Variants in SYNE2 observed in about 807,000 individuals in gnomAD.
SYNE2 encodes the protein spectrin repeat containing nuclear envelope protein 2.
A neutral mutation model predicts 856.3 loss-of-function variants in SYNE2; 431 were observed. That is an observed-to-expected ratio of 0.50 (90% CI 0.47 to 0.55). The LOEUF (loss-of-function observed/expected upper bound fraction) is 0.55. SYNE2 is among the 20% of genes least tolerant of loss of function. SYNE2 has a pLI of 0.00. For missense variants in SYNE2, 8,129 were observed against 8,023.2 expected (o/e 1.01, Z -0.50); for synonymous variants, 2,923 against 2,872.3 (o/e 1.02, Z -0.56).
chr14:64,002,624 A>T, intron 29 of SYNE2, 96 bp from the exon 30 acceptor site: 1 of 1,382,480 alleles, frequency 7.2e-7, no homozygotes, highest in Non-Finnish European at 9.9e-7. Flanking sequence ...GCATTTTTCT[A>T]GATCAAATCT....
At chr14:63,770,024 C>T (rs1886844502) in intron 1 of SYNE2, among the ~76,000 whole-genome samples, 1 of 152,044 alleles carries the variant, frequency 6.6e-6, no homozygotes, top group Non-Finnish European at 1.5e-5. Flanking sequence ...AGCAATCCTC[C>T]TGCCTCAGCC....
Position 64,143,206 on chromosome 14 carries a change from T to C in SYNE2, c.15307-566T>C, listed in dbSNP as rs149455984. Among the ~76,000 whole-genome samples, 4 of 152,296 alleles carry C rather than the reference T, an allele frequency of 2.6e-5. No individual in the cohort carries two copies. In the East Asian group the frequency reaches 7.7e-4, roughly 29 times the overall value. On this transcript the variant is annotated intron_variant, in intron 82 of 115. Transcript: ENST00000555002. ...CTAGAACTTGCAGAGATAAAATCAG[T>C]AAGTGACAGGTTTGGCAGAAATGTT...
At chr14:64,217,129 C>T (rs2140303908) in intron 108 of SYNE2, among the ~76,000 whole-genome samples, 1 of 152,340 alleles carries the variant, frequency 6.6e-6, no homozygotes, top group Non-Finnish European at 1.5e-5. Flanking sequence ...CCCTGCCAAT[C>T]CATTGCCATG....
At chr14:64,138,490 T>C (rs2098113836) in intron 79 of SYNE2, among the ~76,000 whole-genome samples, 1 of 152,146 alleles carries the variant, frequency 6.6e-6, no homozygotes, top group Non-Finnish European at 1.5e-5. Context: ...TGCCTCAGCT[T>C]CCCAAAGTGC....
At chr14:63,880,001 G>A (rs748051440) in intron 1 of SYNE2, among the ~76,000 whole-genome samples, 1 of 152,166 alleles carries the variant, frequency 6.6e-6, no homozygotes, top group Non-Finnish European at 1.5e-5. Context: ...TTTTATGAAT[G>A]AGAACTTTAT....
chr14:63,936,193 A>T (rs542788540), intron 2 of SYNE2, among the ~76,000 whole-genome samples: 5 of 152,104 alleles, frequency 3.3e-5, no homozygotes, highest in Non-Finnish European at 2.9e-5. Context: ...TTATTATTTC[A>T]GAAAATATTT....
chr14:64,002,803 C>T lies in SYNE2; in HGVS notation c.3870C>T (p.His1290=). Residue 1290 remains histidine, a synonymous_variant, in exon 30 of 116, where the codon CAC becomes CAT. Coordinates refer to ENST00000555002, the MANE Select transcript of SYNE2 (RefSeq NM_182914.3). ...EPGNFVLKEL[H]PFDLHAMQNI... is the part of the protein sequence containing the mutation. ...GCAACTTTGTATTAAAGGAGTTACA[C>T]CCATTTGATCTACACGCAATGCAGA... 1 of 1,614,084 alleles carries T rather than the reference C, an allele frequency of 6.2e-7. No individual in the cohort carries two copies. The highest frequency in any genetic ancestry group is 8.5e-7 in the Non-Finnish European group (1 of 1,180,010).
chr14:64,014,961 A>G lies in SYNE2; in HGVS notation c.4729-1512A>G, dbSNP rs1277895335. Among the ~76,000 whole-genome samples, 3 of 133,724 alleles carry G rather than the reference A, an allele frequency of 2.2e-5. No homozygotes were observed. In the East Asian group the frequency reaches 6.1e-4, roughly 27 times the overall value. The allele number at this position is 133,724 out of a possible 152,430, so 87.7% of individuals were successfully genotyped here. On this transcript the variant is annotated intron_variant, in intron 32 of 115. Transcript: ENST00000555002. ...TATATATATATATATATATATATAT[A>G]TATATATATATATACACACACACAC...
In SYNE2 at chr14:63,887,429, G is replaced by A. The variant is rs1395306483; in HGVS notation, c.-51-21669G>A. On this transcript the variant is annotated intron_variant, in intron 1 of 115. Transcript: ENST00000555002. The stretch of plus-strand genomic sequence containing the variant: ...CATCACTTAACTTTTCCGGTAGGAA[G>A]CCAGGTTTGAACTGATCCTACACCC... Among the ~76,000 whole-genome samples the A allele has an allele frequency of 2.0e-5, 3 of 152,300 alleles. No individual in the cohort carries two copies. In the East Asian group the frequency reaches 5.8e-4, roughly 29 times the overall value.
Position 64,075,817 on chromosome 14 carries a change from A to G in SYNE2, c.10867-128A>G. On this transcript the variant is annotated intron_variant, in intron 53 of 115. Transcript: ENST00000555002. ...TGGGGCTTAATCAGCTTGTATCACT[A>G]GTGGGGTTTTGTCATGCAAACTGCA... 3.3e-6 allele frequency: 3 copies of G among 907,446 alleles called. No homozygotes were observed. In the South Asian group the frequency reaches 4.1e-5, roughly 12 times the overall value. The allele number at this position is 907,446 out of a possible 1,614,324, so 56.2% of individuals were successfully genotyped here. A position where few individuals can be genotyped will look rare whatever the true frequency, so the allele number is the denominator to read the frequency against.
intron 1 of SYNE2, among the ~76,000 whole-genome samples, chr14:63,780,018 C>G (rs1887251085): frequency 6.6e-6 from 1 of 152,150 alleles, no homozygotes; most frequent in Non-Finnish European, 1.5e-5. Context: ...ATCCAGGAAT[C>G]TATAATAACT....
At chr14:64,106,416 G>A (rs1567317167) in intron 64 of SYNE2, among the ~76,000 whole-genome samples, 2 of 152,174 alleles carry the variant, frequency 1.3e-5, no homozygotes, top group Admixed American at 6.5e-5. Flanking sequence ...TTGGGAGGCC[G>A]AGGCGAGTGG....
At chr14:64,132,736 A>G (rs1171961201) in intron 77 of SYNE2, among the ~76,000 whole-genome samples, 1 of 152,194 alleles carries the variant, frequency 6.6e-6, no homozygotes, top group South Asian at 2.1e-4. Context: ...TGGGTGAAAC[A>G]GTTATTGGTT....
chr14:63,882,495 C>T (rs1321161195), intron 1 of SYNE2, among the ~76,000 whole-genome samples: 2 of 151,572 alleles, frequency 1.3e-5, no homozygotes, highest in Non-Finnish European at 2.9e-5. Flanking sequence ...GTGAAAGGAT[C>T]ACTTCAGTCC....
intron 96 of SYNE2, among the ~76,000 whole-genome samples, chr14:64,181,477 C>T (rs771614785): frequency 6.6e-6 from 1 of 152,194 alleles, no homozygotes; most frequent in Non-Finnish European, 1.5e-5. Flanking sequence ...TCACACTTCT[C>T]AGTTTCCAGT....
At position 64,141,418 on chromosome 14, in the gene SYNE2, G is replaced by C. The variant is rs1379643491; in HGVS notation, c.15054G>C (p.Leu5018=). The part of the protein sequence containing the change: ...VISIGNQLLH[L]KETDTATLRA... ...GTATCGGGAACCAGCTTCTTCACCT[G>C]AAAGAAACTGATACAGCTACACTGA... Residue 5018 remains leucine, a synonymous_variant, in exon 81 of 116, where the codon CTG becomes CTC. Transcript: ENST00000555002. 1 of 1,614,058 alleles carries C rather than the reference G, an allele frequency of 6.2e-7. No homozygotes were observed. Among genetic ancestry groups the C allele is most frequent in the Non-Finnish European group, 8.5e-7 (1 of 1,179,964 alleles).
rs977249875 is a variant in SYNE2 at position 63,986,307 on chromosome 14, C to G, written c.2152-149C>G. ...TAGAGATGAGGTCCCGCTTTGTTGC[C>G]CAGACTGGTCACAAACTCCTAGCCT... On this transcript the variant is annotated intron_variant, in intron 18 of 115. Transcript: ENST00000555002. 6 of 798,498 alleles carry G rather than the reference C, an allele frequency of 7.5e-6. No homozygotes were observed. In the East Asian group the frequency reaches 1.6e-4, roughly 22 times the overall value. The allele number at this position is 798,498 out of a possible 1,614,324, so 49.5% of individuals were successfully genotyped here.
chr14:64,188,740 T>A, intron 98 of SYNE2, 32 bp downstream of exon 98: 1 of 1,612,778 alleles, frequency 6.2e-7, no homozygotes, highest in Non-Finnish European at 8.5e-7. Context: ...GATGTAGTTA[T>A]GACTACCATG....
intron 1 of SYNE2, among the ~76,000 whole-genome samples, chr14:63,871,856 A>G (rs1173068153): frequency 6.6e-6 from 1 of 152,160 alleles, no homozygotes. Flanking sequence ...GGACCTATGA[A>G]AAGGTATAAA....
Sources: allele counts gnomAD v4.1 joint callset (sites outside exome capture counted in the v4.1 genomes callset), GRCh38; gene constraint gnomAD v4.1.1; transcripts MANE v1.5; gene names NCBI Gene and HGNC (gene_info 2026-07-23, HGNC 2026-07-21).